Variants in GRIP1 observed in about 807,000 individuals in gnomAD.
GRIP1 encodes the protein glutamate receptor interacting protein 1, also known as glutamate receptor-interacting protein 1.
In GRIP1, 45 loss-of-function variants were observed where a neutral mutation model predicts 129.9. That is an observed-to-expected ratio of 0.35 (90% CI 0.27 to 0.44). GRIP1 has a LOEUF of 0.44. Among genes scored for constraint, GRIP1 ranks in the 20% least tolerant of loss-of-function variants. GRIP1 has a pLI of 1.00. For synonymous variants in GRIP1, 530 were observed against 520.8 expected (o/e 1.02, Z -0.24); for missense variants, 1,196 against 1,396.8 (o/e 0.86, Z 2.29).
intron 1 of GRIP1, among the ~76,000 whole-genome samples, chr12:66,747,749 T>C (rs563178265): frequency 6.8e-4 from 104 of 152,230 alleles, no homozygotes; most frequent in Admixed American, 1.7e-3. Flanking sequence ...AACATTTTTT[T>C]CCCCCAGGGT....
chr12:66,548,586 A>G (rs2062020699), intron 2 of GRIP1, among the ~76,000 whole-genome samples: 1 of 152,224 alleles, frequency 6.6e-6, no homozygotes, highest in South Asian at 2.1e-4. Flanking sequence ...ACTAAAATAC[A>G]TCAGAGGCTA....
intron 14 of GRIP1, among the ~76,000 whole-genome samples, chr12:66,430,908 T>C (rs1456857641): frequency 2.0e-5 from 3 of 152,078 alleles, no homozygotes; most frequent in African/African-American, 7.2e-5. Flanking sequence ...GCTTAGAGCA[T>C]GGTGGACACT....
At chr12:67,029,668 C>T (rs768390915) in intron 1 of GRIP1, among the ~76,000 whole-genome samples, 3 of 150,002 alleles carry the variant, frequency 2.0e-5, no homozygotes, top group Admixed American at 6.6e-5. Context: ...ATCTTGGCAA[C>T]GATATAACAT....
At chr12:67,016,036 TG>T (rs942113898) in intron 1 of GRIP1, among the ~76,000 whole-genome samples, 8 of 152,186 alleles carry the variant, frequency 5.3e-5, no homozygotes, top group African/African-American at 1.9e-4. Context: ...TCTGAAACCA[TG>T]TAACTCTGGG....
At chr12:66,656,272 A>G (rs7295497) in intron 1 of GRIP1, among the ~76,000 whole-genome samples, 3,003 of 152,306 alleles carry the variant, frequency 0.02, 106 homozygotes, top group African/African-American at 0.069. Context: ...AATTTGAACT[A>G]TAAGTGAATT....
At chr12:66,560,574 T>C (rs1206593750) in intron 2 of GRIP1, among the ~76,000 whole-genome samples, 2 of 151,992 alleles carry the variant, frequency 1.3e-5, no homozygotes, top group Non-Finnish European at 2.9e-5. Context: ...GTATATGAAA[T>C]GGTGCTCAAC....
rs2057725555 is a variant in GRIP1, at chr12:66,419,439, CTA to C, written c.1838+1279_1838+1280del. 3.3e-5 allele frequency among the ~76,000 whole-genome samples: 5 copies of C among 151,964 alleles called. No individual in the cohort carries two copies. The South Asian group carries it at 1.0e-3, about 32-fold the overall frequency. On this transcript the variant is annotated intron_variant, in intron 15 of 24. Transcript: ENST00000359742. ...AATTTAATTGTACACTTAAAAATAACTAAAAAAGTATAATTGGATTGTTTGTA... is the reference window on the plus strand; with the variant it reads ...AATTTAATTGTACACTTAAAAATAACAAAAAGTATAATTGGATTGTTTGTA...
At chr12:67,032,721 C>T (rs2043041017) in intron 1 of GRIP1, among the ~76,000 whole-genome samples, 1 of 152,094 alleles carries the variant, frequency 6.6e-6, no homozygotes, top group Non-Finnish European at 1.5e-5. Flanking sequence ...CTTGGGGGTG[C>T]AAGATGTTGG....
chr12:67,047,447 G>A (rs774383), intron 1 of GRIP1, among the ~76,000 whole-genome samples: 98,704 of 151,782 alleles, frequency 0.65, 32,459 homozygotes, highest in Middle Eastern at 0.74. Context: ...AGGTCAATAT[G>A]TATACAATTT....
At chr12:67,033,917 G>A (rs578088676) in intron 1 of GRIP1, among the ~76,000 whole-genome samples, 9 of 152,302 alleles carry the variant, frequency 5.9e-5, no homozygotes, top group Admixed American at 5.9e-4. Flanking sequence ...GCCAGGAAAA[G>A]ATAGAAAGCA....
intron 1 of GRIP1, among the ~76,000 whole-genome samples, chr12:66,823,392 C>A (rs1430009309): frequency 1.3e-5 from 2 of 152,022 alleles, no homozygotes; most frequent in Non-Finnish European, 2.9e-5. Flanking sequence ...ATAGAGATCT[C>A]TAGATTTCTA....
intron 1 of GRIP1, among the ~76,000 whole-genome samples, chr12:67,033,592 C>G (rs997249029): frequency 2.6e-5 from 4 of 152,070 alleles, no homozygotes; most frequent in Non-Finnish European, 5.9e-5. Context: ...AATGACGAAA[C>G]TGGAGTCTAA....
chr12:66,887,134 T>A (rs908477714), intron 1 of GRIP1, among the ~76,000 whole-genome samples: 2 of 152,238 alleles, frequency 1.3e-5, no homozygotes, highest in African/African-American at 4.8e-5. Flanking sequence ...CTTTGCTAAC[T>A]GCGTCAGTGT....
intron 1 of GRIP1, among the ~76,000 whole-genome samples, chr12:66,707,271 G>A (rs1229630367): frequency 2.0e-5 from 3 of 151,702 alleles, no homozygotes; most frequent in Admixed American, 2.0e-4. Context: ...GTTTCTCTGA[G>A]AGCTTCCCAT....
intron 19 of GRIP1, among the ~76,000 whole-genome samples, chr12:66,385,807 A>C (rs1352627165): frequency 6.6e-6 from 1 of 151,980 alleles, no homozygotes; most frequent in Non-Finnish European, 1.5e-5. Context: ...ACAGGGTTTC[A>C]CCATGTTGGC....
At chr12:66,979,222 TAAAAAAAAAAAAAAAAA>T (rs35306665) in intron 1 of GRIP1, among the ~76,000 whole-genome samples, 8 of 41,434 alleles carry the variant, frequency 1.9e-4, no homozygotes, top group East Asian at 8.0e-4. Flanking sequence ...CTTCTCTTCT[TAAAAAAAAAAAAAAAAA>T]AAAAAAAAAA....
intron 1 of GRIP1, among the ~76,000 whole-genome samples, chr12:66,957,007 C>G (rs2041851987): frequency 6.6e-6 from 1 of 152,202 alleles, no homozygotes; most frequent in Non-Finnish European, 1.5e-5. Context: ...TAGTAAGAAA[C>G]CTGGTGCCAA....
At chr12:66,474,111 G>A (rs185298740) in intron 7 of GRIP1, among the ~76,000 whole-genome samples, 1 of 152,008 alleles carries the variant, frequency 6.6e-6, no homozygotes, top group African/African-American at 2.4e-5. Context: ...TTACTAACTA[G>A]AATAACCAGT....
intron 15 of GRIP1, among the ~76,000 whole-genome samples, chr12:66,410,249 CAAAA>C (rs1177155122): frequency 2.1e-5 from 1 of 47,430 alleles, no homozygotes. Flanking sequence ...GACTCCGTCT[CAAAA>C]AAAAAAAAAA....
Sources: gnomAD v4.1 joint callset for allele counts (sites outside exome capture counted in the v4.1 genomes callset) on GRCh38, gnomAD v4.1.1 for gene constraint, MANE v1.5 for transcripts, NCBI Gene and HGNC (gene_info 2026-07-23, HGNC 2026-07-21) for gene names.